Variants in CREBRF observed in about 807,000 individuals in gnomAD.
CREBRF encodes CREB3 regulatory factor.
Under a neutral mutation model 66.1 loss-of-function variants are expected in CREBRF, and 5 were observed. That is an observed-to-expected ratio of 0.08 (90% CI 0.04 to 0.16). CREBRF has a LOEUF of 0.16. CREBRF is among the 10% of genes least tolerant of loss of function. The pLI, the probability that CREBRF is intolerant of heterozygous loss-of-function variation, is 1.00. For missense variants in CREBRF, 531 were observed against 744.9 expected, an observed-to-expected ratio of 0.71 and a Z score of 3.34; for synonymous variants, 229 against 264.4, an observed-to-expected ratio of 0.87 and a Z score of 1.30.
intron 8 of CREBRF, among the ~76,000 whole-genome samples, chr5:173,125,389 C>T (rs1031201977): frequency 6.6e-6 from 1 of 152,168 alleles, no homozygotes; most frequent in South Asian, 2.1e-4. Context: ...TTTCATGTAT[C>T]GTGCCATTTT....
intron 4 of CREBRF, 184 bp downstream of exon 4, chr5:173,091,585 G>T: frequency 7.2e-7 from 1 of 1,383,984 alleles, no homozygotes; most frequent in Non-Finnish European, 9.4e-7. Context: ...GATCACTTTT[G>T]CTCACATAGG....
At chr5:173,107,989 G>T (rs201245088) in intron 4 of CREBRF, among the ~76,000 whole-genome samples, 2 of 151,534 alleles carry the variant, frequency 1.3e-5, no homozygotes, top group African/African-American at 4.8e-5. Context: ...GCACCACCAC[G>T]CCCTGGCTAA....
chr5:173,117,587 TTC>T (rs1759026416), intron 7 of CREBRF, among the ~76,000 whole-genome samples: 1 of 34,736 alleles, frequency 2.9e-5, no homozygotes, highest in Non-Finnish European at 6.4e-5. Context: ...CCCTCCTTCC[TTC>T]CTTCCTTCCT....
chr5:173,089,677 GA>G (rs1317929884), intron 3 of CREBRF, among the ~76,000 whole-genome samples: 10 of 144,542 alleles, frequency 6.9e-5, no homozygotes, highest in South Asian at 2.2e-4. Flanking sequence ...AAAAAAAAAA[GA>G]AAAAAAAATC....
intron 2 of CREBRF, 42 bp downstream of exon 2, chr5:173,080,826 C>G: frequency 6.3e-7 from 1 of 1,597,852 alleles, no homozygotes; most frequent in Non-Finnish European, 8.6e-7. Flanking sequence ...TATTTTCCCA[C>G]TACAGAAAGT....
At chr5:173,124,565 A>G (rs1393283765) in intron 8 of CREBRF, 1 of 125,488 alleles carries the variant, frequency 8.0e-6, no homozygotes, top group Non-Finnish European at 1.9e-5. Context: ...GTCTCAAAAA[A>G]AAAAAAAAAA....
chr5:173,059,265 CTT>C (rs60946984), intron 1 of CREBRF, among the ~76,000 whole-genome samples: 38 of 65,612 alleles, frequency 5.8e-4, no homozygotes, highest in Non-Finnish European at 1.2e-3. Context: ...TCTTTTTTTT[CTT>C]TTTTTTTTTT....
At chr5:173,113,913 A>C (rs1758925499) in intron 7 of CREBRF, among the ~76,000 whole-genome samples, 1 of 152,206 alleles carries the variant, frequency 6.6e-6, no homozygotes, top group African/African-American at 2.4e-5. Context: ...TGGTGTTATA[A>C]GAGTGTATTC....
chr5:173,080,958 T>C (rs1285822879), intron 2 of CREBRF, among the ~76,000 whole-genome samples, 174 bp downstream of exon 2: 1 of 152,232 alleles, frequency 6.6e-6, no homozygotes, highest in Non-Finnish European at 1.5e-5. Flanking sequence ...CTTCTATTTC[T>C]TACTTTGCTA....
intron 1 of CREBRF, among the ~76,000 whole-genome samples, chr5:173,074,702 A>C (rs1394476299): frequency 6.6e-6 from 1 of 151,996 alleles, no homozygotes; most frequent in African/African-American, 2.4e-5. Flanking sequence ...AGCTCACTGC[A>C]ACCTCCACCT....
At chr5:173,063,481 T>G (rs1392229314) in intron 1 of CREBRF, among the ~76,000 whole-genome samples, 2 of 151,786 alleles carry the variant, frequency 1.3e-5, no homozygotes, top group African/African-American at 4.8e-5. Context: ...GATTTTCCTG[T>G]CTCAGCCTCC....
At chr5:173,060,203 T>G (rs1382431011) in intron 1 of CREBRF, 1 of 150,946 alleles carries the variant, frequency 6.6e-6, no homozygotes, top group Non-Finnish European at 1.5e-5. Context: ...CATCTATATA[T>G]TTATTTAAAA....
At chr5:173,093,613 C>T (rs569922702) in intron 4 of CREBRF, among the ~76,000 whole-genome samples, 2 of 152,292 alleles carry the variant, frequency 1.3e-5, no homozygotes, top group East Asian at 1.9e-4. Flanking sequence ...GCTTCCCTGG[C>T]TCAAGCCACC....
intron 2 of CREBRF, chr5:173,085,413 C>CTT (rs371399043): frequency 1.1e-3 from 796 of 722,156 alleles, no homozygotes; most frequent in Middle Eastern, 1.7e-3. Context: ...CAAATACATT[C>CTT]TTTTTTTTTT....
intron 4 of CREBRF, among the ~76,000 whole-genome samples, chr5:173,100,225 C>G (rs964319816): frequency 6.7e-6 from 1 of 148,892 alleles, no homozygotes; most frequent in African/African-American, 2.5e-5. Flanking sequence ...ATCCGCCCAC[C>G]TCGGCCCTCC....
chr5:173,062,532 C>G (rs1031362453), intron 1 of CREBRF, among the ~76,000 whole-genome samples: 1 of 151,906 alleles, frequency 6.6e-6, no homozygotes, highest in African/African-American at 2.4e-5. Context: ...TTAAAAATCT[C>G]TTTAGTTCCT....
At position 173,090,220 on chromosome 5, in the gene CREBRF, C is replaced by G. The variant is rs1758286571; in HGVS notation, c.136-95C>G. ...CAGTAGCCTTTATGTTAAAACAGACCAAAAGTCAAGTATTGATTTATCAGT... is the reference window on the plus strand; with the variant it reads ...CAGTAGCCTTTATGTTAAAACAGACGAAAAGTCAAGTATTGATTTATCAGT... On this transcript the variant is annotated intron_variant, in intron 3 of 8. Coordinates refer to ENST00000296953, the MANE Select transcript of CREBRF (RefSeq NM_153607.3). This position sits in a 1 kb window ranked among gnomAD's most constrained non-coding sequence, Gnocchi z 4.5. 9 of 1,021,448 alleles carry G rather than the reference C, an allele frequency of 8.8e-6. 1 individual carries two copies. The South Asian group carries it at 1.4e-4, about 16-fold the overall frequency. The allele number at this position is 1,021,448 out of a possible 1,614,324, so 63.3% of individuals were successfully genotyped here. A position where few individuals can be genotyped will look rare whatever the true frequency, so the allele number is the denominator to read the frequency against.
At chr5:173,084,921 A>G (rs1758086960) in intron 2 of CREBRF, among the ~76,000 whole-genome samples, 1 of 152,034 alleles carries the variant, frequency 6.6e-6, no homozygotes, top group Non-Finnish European at 1.5e-5. Flanking sequence ...CTGGGATTAC[A>G]TGTGTGAGCC....
intron 1 of CREBRF, among the ~76,000 whole-genome samples, chr5:173,062,030 G>A (rs997841388): frequency 2.0e-5 from 3 of 152,066 alleles, no homozygotes; most frequent in African/African-American, 7.2e-5. Context: ...GCTAACCTAG[G>A]GTCTGCCTGG....
Sources: gnomAD v4.1 joint callset for allele counts (sites outside exome capture counted in the v4.1 genomes callset) on GRCh38, gnomAD v4.1.1 for gene constraint, Gnocchi (gnomAD v3.1) non-coding constraint, MANE v1.5 for transcripts, NCBI Gene and HGNC (gene_info 2026-07-23, HGNC 2026-07-21) for gene names.